NKAIN3: variants seen among roughly 807,000 people sequenced by gnomAD.
The protein encoded by NKAIN3 is sodium/potassium-transporting ATPase subunit beta-1-interacting protein 3.
A neutral mutation model predicts 30.2 loss-of-function variants in NKAIN3; 25 were observed. That is an observed-to-expected ratio of 0.83 (90% CI 0.60 to 1.16). The LOEUF is 1.16. Ranked by LOEUF, NKAIN3 falls within the 50% of genes most tolerant of loss-of-function variation. NKAIN3 has a pLI of 0.00. For synonymous variants in NKAIN3, 91 were observed against 89.6 expected (o/e 1.02, Z -0.09); for missense variants, 225 against 254.1 (o/e 0.89, Z 0.78).
intron 4 of NKAIN3, among the ~76,000 whole-genome samples, chr8:62,866,971 C>G (rs569591847): frequency 6.7e-6 from 1 of 150,066 alleles, no homozygotes; most frequent in Admixed American, 6.7e-5. Context: ...AGGAGAATGG[C>G]GTGAACGCTG....
At chr8:62,854,412 G>T (rs1318687985) in intron 4 of NKAIN3, among the ~76,000 whole-genome samples, 5 of 152,182 alleles carry the variant, frequency 3.3e-5, no homozygotes, top group Non-Finnish European at 5.9e-5. Flanking sequence ...ATTTAAGATA[G>T]TTGGCACTTA....
At chr8:62,892,458 G>A (rs543413992) in intron 4 of NKAIN3, among the ~76,000 whole-genome samples, 1 of 152,290 alleles carries the variant, frequency 6.6e-6, no homozygotes, top group South Asian at 2.1e-4. Context: ...AATGAAGTAT[G>A]AATTAGTTAT....
chr8:62,524,134 C>A (rs1046098242), intron 1 of NKAIN3, among the ~76,000 whole-genome samples: 1 of 151,700 alleles, frequency 6.6e-6, no homozygotes, highest in African/African-American at 2.4e-5. Context: ...AACCACTACT[C>A]TAGAATCCTG....
chr8:62,840,715 C>G (rs2130759229), intron 4 of NKAIN3, among the ~76,000 whole-genome samples: 1 of 152,188 alleles, frequency 6.6e-6, no homozygotes, highest in Admixed American at 6.6e-5. Flanking sequence ...CTTCAGTTCC[C>G]AGTTTCTATA....
rs114130592 is a variant in NKAIN3 at position 62,554,899 on chromosome 8, T to C, written c.55-24640T>C. ...CTGTTTGTATGTATGTGGCTTTTAT[T>C]AATTCTAAATATAAGTGAGATTATG... On this transcript the variant is annotated intron_variant, in intron 1 of 6. Transcript: ENST00000623646. Among the ~76,000 whole-genome samples the C allele has an allele frequency of 3.4e-3, 519 of 152,188 alleles. 4 individuals carry two copies. The highest frequency in any genetic ancestry group is 0.012 in the African/African-American group (498 of 41,534).
intron 4 of NKAIN3, among the ~76,000 whole-genome samples, chr8:62,820,289 CT>C (rs1202093883): frequency 6.6e-6 from 1 of 151,988 alleles, no homozygotes; most frequent in Non-Finnish European, 1.5e-5. Flanking sequence ...AATGAGGAAC[CT>C]TTTTTAATAG....
At chr8:62,996,896 G>GTA (rs1039137267) in intron 5 of NKAIN3, among the ~76,000 whole-genome samples, 4 of 152,190 alleles carry the variant, frequency 2.6e-5, no homozygotes, top group African/African-American at 9.6e-5. Flanking sequence ...GCTCTGCAGG[G>GTA]TATGGCCTCT....
At chr8:62,399,309 C>A (rs1817862653) in intron 1 of NKAIN3, among the ~76,000 whole-genome samples, 3 of 152,038 alleles carry the variant, frequency 2.0e-5, no homozygotes, top group Admixed American at 2.0e-4. Flanking sequence ...AGTTCAAGAC[C>A]AGCCTGGCCA....
intron 4 of NKAIN3, among the ~76,000 whole-genome samples, chr8:62,759,583 G>T (rs1383158): frequency 1.3e-5 from 2 of 151,960 alleles, no homozygotes; most frequent in Non-Finnish European, 2.9e-5. Context: ...TCATTAATTG[G>T]ATAAGACAGC....
At chr8:62,293,727 A>T (rs183087234) in intron 1 of NKAIN3, among the ~76,000 whole-genome samples, 2 of 152,250 alleles carry the variant, frequency 1.3e-5, no homozygotes, top group South Asian at 4.1e-4. Context: ...TCAGATCTCA[A>T]ACTCCGTGCT....
intron 1 of NKAIN3, among the ~76,000 whole-genome samples, chr8:62,369,830 A>G (rs1261387556): frequency 6.6e-6 from 1 of 151,618 alleles, no homozygotes; most frequent in Non-Finnish European, 1.5e-5. Flanking sequence ...TGCCTATCTC[A>G]CTGTTTCTTT....
At chr8:62,421,364 C>T (rs1804635890) in intron 1 of NKAIN3, among the ~76,000 whole-genome samples, 1 of 152,162 alleles carries the variant, frequency 6.6e-6, no homozygotes, top group Non-Finnish European at 1.5e-5. Flanking sequence ...CCAACTTTTA[C>T]TCCTATTGAC....
intron 1 of NKAIN3, among the ~76,000 whole-genome samples, chr8:62,425,496 G>A (rs879784408): frequency 4.0e-5 from 6 of 151,856 alleles, no homozygotes; most frequent in Admixed American, 3.9e-4. Context: ...CCACACTGGA[G>A]GAGATCTTTT....
chr8:62,750,471 G>A (rs1306562151), intron 4 of NKAIN3, among the ~76,000 whole-genome samples: 1 of 152,130 alleles, frequency 6.6e-6, no homozygotes, highest in Non-Finnish European at 1.5e-5. Flanking sequence ...AGGCGAAGAC[G>A]GGCGGGGTTC....
intron 4 of NKAIN3, among the ~76,000 whole-genome samples, chr8:62,776,504 T>TA (rs1316726570): frequency 6.6e-6 from 1 of 152,176 alleles, no homozygotes; most frequent in Admixed American, 6.5e-5. Context: ...TATAGCCCAT[T>TA]ATTTTAAACT....
intron 1 of NKAIN3, among the ~76,000 whole-genome samples, chr8:62,498,428 C>G (rs1342198210): frequency 6.6e-6 from 1 of 152,050 alleles, no homozygotes; most frequent in Non-Finnish European, 1.5e-5. Flanking sequence ...CTGACACATT[C>G]AGCACCATAT....
chr8:62,402,680 G>A (rs1031080459), intron 1 of NKAIN3, among the ~76,000 whole-genome samples: 20 of 152,174 alleles, frequency 1.3e-4, no homozygotes, highest in African/African-American at 4.8e-4. Context: ...TAAGTTTCCT[G>A]AGGCTTCCTC....
intron 3 of NKAIN3, among the ~76,000 whole-genome samples, chr8:62,615,108 GTC>G (rs1307641774): frequency 6.6e-6 from 1 of 152,110 alleles, no homozygotes; most frequent in Admixed American, 6.5e-5. Flanking sequence ...AGTGTGCTGA[GTC>G]TCATCTAAAG....
intron 1 of NKAIN3, among the ~76,000 whole-genome samples, chr8:62,428,124 T>C (rs988090941): frequency 3.3e-5 from 5 of 152,116 alleles, no homozygotes; most frequent in Admixed American, 3.3e-4. Context: ...CTTATTTCAT[T>C]AAAATAACGT....
Sources: gnomAD v4.1 joint callset for allele counts (sites outside exome capture counted in the v4.1 genomes callset) on GRCh38, gnomAD v4.1.1 for gene constraint, MANE v1.5 for transcripts, NCBI Gene and HGNC (gene_info 2026-07-23, HGNC 2026-07-21) for gene names.